EHHADH: variants seen among roughly 807,000 people sequenced by gnomAD.
The protein encoded by EHHADH is peroxisomal bifunctional enzyme.
In EHHADH, 48 loss-of-function variants were observed where a neutral mutation model predicts 64.4. The ratio of observed to expected loss-of-function variants is 0.75; its 90% confidence interval spans 0.59 to 0.95. The LOEUF is 0.95. Among genes scored for constraint, EHHADH ranks in the 40% least tolerant of loss-of-function variants. The pLI, the probability that EHHADH is intolerant of heterozygous loss-of-function variation, is 0.00. For synonymous variants in EHHADH, 308 were observed against 326.7 expected, an observed-to-expected ratio of 0.94 and a Z score of 0.62; for missense variants, 854 against 876.6, an observed-to-expected ratio of 0.97 and a Z score of 0.33.
In EHHADH at chr3:185,204,644, G is replaced by C. The variant is rs1380767077; in HGVS notation, c.682C>G (p.Leu228Val). The change falls in exon 6 of 7, where the codon CTT becomes GTT. Residue 228 changes from leucine to valine, a missense_variant. Coordinates refer to ENST00000231887, the MANE Select transcript of EHHADH (RefSeq NM_001966.4). ...GCACGGACACAAGCCTCCTGTGCAA[G>C]ACACCCAGGGTGCTGCCTCCGCATC... ...LKMRRQHPGC[L>V]AQEACVRAVQ... 1 of 1,614,222 alleles carries C rather than the reference G, an allele frequency of 6.2e-7. No individual in the cohort carries two copies. The highest frequency in any genetic ancestry group is 1.7e-5 in the Admixed American group (1 of 60,016).
intron 5 of EHHADH, among the ~76,000 whole-genome samples, chr3:185,206,633 G>A (rs1317438071): frequency 2.0e-5 from 3 of 151,810 alleles, no homozygotes; most frequent in Non-Finnish European, 4.4e-5. Context: ...TTCGAGACCA[G>A]CCTGGGCAAC....
intron 2 of EHHADH, among the ~76,000 whole-genome samples, chr3:185,238,138 TTTTC>T (rs1719348444): frequency 6.6e-6 from 1 of 152,130 alleles, no homozygotes; most frequent in African/African-American, 2.4e-5. Flanking sequence ...TATACTATGG[TTTTC>T]TTTATCTAAT....
intron 4 of EHHADH, among the ~76,000 whole-genome samples, chr3:185,221,577 C>CTTTTTTTTTTT (rs10663266): frequency 2.3e-5 from 3 of 130,728 alleles, no homozygotes; most frequent in African/African-American, 5.8e-5. Context: ...ATTTTTTTTT[C>CTTTTTTTTTTT]TTTTTTTTTT....
intron 2 of EHHADH, among the ~76,000 whole-genome samples, chr3:185,237,743 A>G (rs1249246322): frequency 6.6e-6 from 1 of 152,212 alleles, no homozygotes; most frequent in Non-Finnish European, 1.5e-5. Flanking sequence ...GCTTCACAGT[A>G]CACTAAGATT....
intron 4 of EHHADH, among the ~76,000 whole-genome samples, chr3:185,220,107 T>TA (rs1718794888): frequency 6.6e-6 from 1 of 152,154 alleles, no homozygotes. Context: ...GAAACCTGGA[T>TA]ATTATTATAA....
intron 2 of EHHADH, among the ~76,000 whole-genome samples, chr3:185,235,763 A>C (rs1398589818): frequency 6.6e-6 from 1 of 152,066 alleles, no homozygotes; most frequent in Non-Finnish European, 1.5e-5. Context: ...GTCTATATTT[A>C]AAAAAATTAA....
chr3:185,249,327 A>AC (rs1341420295), intron 1 of EHHADH, among the ~76,000 whole-genome samples: 1 of 152,104 alleles, frequency 6.6e-6, no homozygotes, highest in Non-Finnish European at 1.5e-5. Flanking sequence ...ACGGGGTTTC[A>AC]CCGTGTTAAC....
At chr3:185,240,973 C>A (rs375805204) in intron 2 of EHHADH, among the ~76,000 whole-genome samples, 51 of 152,108 alleles carry the variant, frequency 3.4e-4, no homozygotes, top group South Asian at 1.2e-3. Context: ...CCCTTCCCCC[C>A]CAAATCCCCA....
In EHHADH at chr3:185,240,833, G is replaced by C. The variant is rs186437417; in HGVS notation, c.179-5371C>G. On this transcript the variant is annotated intron_variant, in intron 2 of 6. Transcript: ENST00000231887. ...TATTTTTATTTTTCCATAGGTTATTGGGGTACAGGTGGTGTTTGGTTACAT... is the reference window on the plus strand; with the variant it reads ...TATTTTTATTTTTCCATAGGTTATTCGGGTACAGGTGGTGTTTGGTTACAT... 4.8e-3 allele frequency among the ~76,000 whole-genome samples: 733 copies of C among 151,316 alleles called. 10 individuals are homozygous for C. Among genetic ancestry groups the C allele is most frequent in the African/African-American group, 0.016 (678 of 41,188 alleles).
Position 185,218,134 on chromosome 3 carries a change from A to G in EHHADH, c.568+2T>C. The G allele has an allele frequency of 6.3e-7, 1 of 1,591,512 alleles. No individual in the cohort carries two copies. Among genetic ancestry groups the G allele is most frequent in the South Asian group, 1.1e-5 (1 of 89,418 alleles). On this transcript the variant is annotated splice_donor_variant, in intron 5 of 6. Coordinates refer to ENST00000231887, the MANE Select transcript of EHHADH (RefSeq NM_001966.4). LOFTEE classifies it high-confidence loss of function. ...TGGCTATTTTTATTATTATCTTCTT[A>G]CCTGAAACTCTCTGAGCAAATCTGA...
intron 4 of EHHADH, among the ~76,000 whole-genome samples, chr3:185,226,505 C>T (rs909115894): frequency 1.1e-4 from 16 of 151,928 alleles, no homozygotes; most frequent in African/African-American, 3.1e-4. Context: ...AAAAATTAGC[C>T]GGGCATGGTG....
chr3:185,228,087 T>C (rs1238566769), intron 4 of EHHADH, among the ~76,000 whole-genome samples: 1 of 149,554 alleles, frequency 6.7e-6, no homozygotes, highest in African/African-American at 2.4e-5. Flanking sequence ...TAAATTGACC[T>C]CAACTGAAAG....
At chr3:185,238,860 T>C (rs1275463565) in intron 2 of EHHADH, among the ~76,000 whole-genome samples, 1 of 152,208 alleles carries the variant, frequency 6.6e-6, no homozygotes, top group Non-Finnish European at 1.5e-5. Flanking sequence ...GTTATTTGCC[T>C]AGGCCAACGT....
At chr3:185,237,613 T>C (rs1322549268) in intron 2 of EHHADH, among the ~76,000 whole-genome samples, 2 of 152,208 alleles carry the variant, frequency 1.3e-5, no homozygotes, top group African/African-American at 4.8e-5. Flanking sequence ...CTCGACATAA[T>C]CATATAATTT....
At chr3:185,215,955 A>C (rs1718671285) in intron 5 of EHHADH, among the ~76,000 whole-genome samples, 1 of 152,146 alleles carries the variant, frequency 6.6e-6, no homozygotes, top group Non-Finnish European at 1.5e-5. Flanking sequence ...TTTTCTATAT[A>C]GTTTTCATGA....
intron 4 of EHHADH, among the ~76,000 whole-genome samples, chr3:185,228,257 A>AAAATATATATAT (rs1367786172): frequency 5.9e-4 from 13 of 22,006 alleles, no homozygotes; most frequent in Non-Finnish European, 1.1e-3. Flanking sequence ...AAAAAAAAAA[A>AAAATATATATAT]ATATATATAT....
chr3:185,242,381 C>A (rs1719479023), intron 2 of EHHADH, among the ~76,000 whole-genome samples: 1 of 152,086 alleles, frequency 6.6e-6, no homozygotes, highest in Non-Finnish European at 1.5e-5. Flanking sequence ...GCAAAAAGAA[C>A]AAATCTGGAG....
intron 4 of EHHADH, among the ~76,000 whole-genome samples, chr3:185,224,501 CAAAAAAAA>C (rs757023353): frequency 1.9e-5 from 1 of 51,610 alleles, no homozygotes; most frequent in African/African-American, 6.6e-5. Context: ...ACCCTGTCAC[CAAAAAAAA>C]AAAAAAAAAA....
At chr3:185,228,187 A>T (rs1162981050) in intron 4 of EHHADH, among the ~76,000 whole-genome samples, 2 of 139,250 alleles carry the variant, frequency 1.4e-5, no homozygotes, top group Non-Finnish European at 3.1e-5. Flanking sequence ...CTGAGCAGAG[A>T]TCACTCCACT....
Sources: allele counts gnomAD v4.1 joint callset (sites outside exome capture counted in the v4.1 genomes callset), GRCh38; gene constraint gnomAD v4.1.1; transcripts MANE v1.5; gene names NCBI Gene and HGNC (gene_info 2026-07-23, HGNC 2026-07-21).